Variants in ZNF391 observed in about 807,000 individuals in gnomAD.
The protein encoded by ZNF391 is zinc finger protein 391.
For synonymous variants in ZNF391, 126 were observed against 142.1 expected (o/e 0.89, Z 0.80); for missense variants, 375 against 425.5 (o/e 0.88, Z 1.04).
chr6:27,390,362 G>C (rs1472407191), intron 1 of ZNF391, among the ~76,000 whole-genome samples: 2 of 152,322 alleles, frequency 1.3e-5, no homozygotes, highest in African/African-American at 4.8e-5. Flanking sequence ...GCTGCAGCAT[G>C]TTGTGACCAC....
chr6:27,380,511 A>ACAG (rs942165187), intron 1 of ZNF391, among the ~76,000 whole-genome samples: 1 of 151,522 alleles, frequency 6.6e-6, no homozygotes, highest in African/African-American at 2.4e-5. Flanking sequence ...AGAGTGAGCA[A>ACAG]CAAGATTTAA....
upstream of ZNF391, among the ~76,000 whole-genome samples, chr6:27,384,216 C>G (rs12530073): frequency 4.0e-3 from 603 of 152,164 alleles, 21 homozygotes; most frequent in Admixed American, 0.037. Context: ...GTAATCCCAG[C>G]ACTTTGGGAG....
intron 1 of ZNF391, chr6:27,390,839 T>C (rs1322354670): frequency 6.6e-6 from 1 of 152,250 alleles, no homozygotes; most frequent in East Asian, 1.9e-4. Flanking sequence ...ACTTGCAGTA[T>C]TGATGAAAGT....
upstream of ZNF391, among the ~76,000 whole-genome samples, chr6:27,388,358 G>C (rs1244128876): frequency 6.6e-6 from 1 of 152,018 alleles, no homozygotes; most frequent in African/African-American, 2.4e-5. Context: ...TTGTGCAACG[G>C]AGCCAGTTTC....
rs1762009889 is a variant in ZNF391, at chr6:27,403,045, A to G, written c.*1598A>G. On this transcript the variant is annotated 3_prime_UTR_variant, in exon 3 of 3. Coordinates refer to ENST00000244576, the MANE Select transcript of ZNF391 (RefSeq NM_001076781.3). ...ATAATTGATTTCTTTCTCTCTTTCTACTGCTGCTTCCAAGTTCTTGGTACC... is the reference window on the plus strand; with the variant it reads ...ATAATTGATTTCTTTCTCTCTTTCTGCTGCTGCTTCCAAGTTCTTGGTACC... The G allele has an allele frequency of 6.6e-6, 1 of 152,004 alleles. No homozygotes were observed. The highest frequency in any genetic ancestry group is 2.1e-4 in the South Asian group (1 of 4,820). The allele number at this position is 152,004 out of a possible 1,614,324, so 9.4% of individuals were successfully genotyped here.
chr6:27,378,649 T>TA (rs1761452544), intron 1 of ZNF391, among the ~76,000 whole-genome samples: 1 of 152,236 alleles, frequency 6.6e-6, no homozygotes, highest in Non-Finnish European at 1.5e-5. Context: ...CTTCAGGCCA[T>TA]CTGCATGTAT....
At position 27,374,871 on chromosome 6, in the gene ZNF391, A is replaced by T. The variant is rs929721239; in HGVS notation, n.257A>T. 16 of 151,952 alleles carry T rather than the reference A, an allele frequency of 1.1e-4. No individual in the cohort carries two copies. Among genetic ancestry groups the T allele is most frequent in the African/African-American group, 3.9e-4 (16 of 41,354 alleles). 9.4% of individuals were successfully genotyped at this position (151,952 alleles called of 1,614,324 possible). On this transcript the variant is annotated non_coding_transcript_exon_variant, in exon 1 of 3. Transcript: ENST00000477999. The surrounding 1 kb of genome is among the most constrained non-coding windows in gnomAD (Gnocchi z 5.3). ...CAGTCGCCGCCGCTCCTGCGCCTAGAAGCCTTCCACGACCCTCAACCCCAC... is the reference window on the plus strand; with the variant it reads ...CAGTCGCCGCCGCTCCTGCGCCTAGTAGCCTTCCACGACCCTCAACCCCAC...
At chr6:27,395,640 A>G (rs1032770453) in intron 1 of ZNF391, among the ~76,000 whole-genome samples, 3 of 152,324 alleles carry the variant, frequency 2.0e-5, no homozygotes, top group African/African-American at 7.2e-5. Context: ...CAGTTTAACA[A>G]TCATTAAAAT....
upstream of ZNF391, among the ~76,000 whole-genome samples, chr6:27,386,615 T>C (rs1167782391): frequency 4.6e-5 from 7 of 152,140 alleles, no homozygotes; most frequent in Admixed American, 1.3e-4. Context: ...ATACGGTTGA[T>C]TGATTGATTT....
rs1020733680 is a variant in ZNF391 at position 27,376,698 on chromosome 6, A to G, written n.523+1561A>G. 5.3e-5 allele frequency among the ~76,000 whole-genome samples: 8 copies of G among 152,010 alleles called. No individual in the cohort carries two copies. Among genetic ancestry groups the G allele is most frequent in the Non-Finnish European group, 1.2e-4 (8 of 68,012 alleles). On this transcript the variant is annotated intron_variant and non_coding_transcript_variant, in intron 1 of 2. Transcript: ENST00000477999. This position sits in a 1 kb window ranked among gnomAD's most constrained non-coding sequence, Gnocchi z 4.7. ...TGGTGAAACCCCATCTCTACTAAAAATACAAAAAAATTAGCTAGATGTAAT... is the reference window on the plus strand; with the variant it reads ...TGGTGAAACCCCATCTCTACTAAAAGTACAAAAAAATTAGCTAGATGTAAT...
At chr6:27,389,823 G>T (rs951089516) in intron 1 of ZNF391, among the ~76,000 whole-genome samples, 2 of 45,630 alleles carry the variant, frequency 4.4e-5, no homozygotes, top group African/African-American at 7.0e-5. Flanking sequence ...CCAAAAAAGA[G>T]AAGTACTTGC....
chr6:27,397,734 A>G (rs1761859682), intron 1 of ZNF391, among the ~76,000 whole-genome samples: 1 of 152,098 alleles, frequency 6.6e-6, no homozygotes, highest in Non-Finnish European at 1.5e-5. Flanking sequence ...GGTTCAAGCA[A>G]TTCTCCAGCC....
At chr6:27,398,630 G>A (rs570817306) in intron 1 of ZNF391, among the ~76,000 whole-genome samples, 190 of 152,262 alleles carry the variant, frequency 1.2e-3, no homozygotes, top group Non-Finnish European at 1.3e-3. Flanking sequence ...AAGCTGGGGC[G>A]GGTGGATCAC....
rs1363035507 is a variant in ZNF391 at position 27,400,353 on chromosome 6, G to C, written c.-18G>C. On this transcript the variant is annotated 5_prime_UTR_variant, in exon 3 of 3. Transcript: ENST00000244576. ...CAATCAGACTGTTTCCGAAGAACTA[G>C]AGTTTTCTGGGTCAGCAATGGAAAG... 6 of 1,568,022 alleles carry C rather than the reference G, an allele frequency of 3.8e-6. No individual in the cohort carries two copies. Among genetic ancestry groups the C allele is most frequent in the Admixed American group, 2.0e-5 (1 of 50,880 alleles).
intron 1 of ZNF391, among the ~76,000 whole-genome samples, chr6:27,383,580 G>A (rs1761540187): frequency 1.3e-5 from 2 of 152,184 alleles, no homozygotes; most frequent in Admixed American, 1.3e-4. Flanking sequence ...GTTGCAGACT[G>A]CCAAACTCTT....
intron 1 of ZNF391, among the ~76,000 whole-genome samples, chr6:27,395,769 G>A (rs1306059820): frequency 6.6e-6 from 1 of 152,076 alleles, no homozygotes; most frequent in African/African-American, 2.4e-5. Context: ...GGTTCTTCTA[G>A]TGAGACAAGT....
chr6:27,378,976 C>T (rs1314487417), intron 1 of ZNF391, among the ~76,000 whole-genome samples: 1 of 151,726 alleles, frequency 6.6e-6, no homozygotes, highest in African/African-American at 2.4e-5. Context: ...TCATATGAAT[C>T]ATAGATTCTA....
chr6:27,388,512 G>A (rs1761619284), upstream of ZNF391, among the ~76,000 whole-genome samples: 1 of 152,174 alleles, frequency 6.6e-6, no homozygotes, highest in Non-Finnish European at 1.5e-5. Context: ...ATTTATTTGT[G>A]TACGCTATTT....
intron 1 of ZNF391, among the ~76,000 whole-genome samples, chr6:27,381,670 G>A (rs368221737): frequency 9.2e-5 from 14 of 152,284 alleles, no homozygotes; most frequent in African/African-American, 2.9e-4. Context: ...CCCAGGAGGA[G>A]GAGGCTGCAG....
Sources: gnomAD v4.1 joint callset for allele counts (sites outside exome capture counted in the v4.1 genomes callset) on GRCh38, gnomAD v4.1.1 for gene constraint, Gnocchi (gnomAD v3.1) non-coding constraint, MANE v1.5 for transcripts, NCBI Gene and HGNC (gene_info 2026-07-23, HGNC 2026-07-21) for gene names.